The following NOP53 variants were observed in gnomAD, a reference collection of about 807,000 sequenced individuals.
NOP53 encodes the protein ribosome biogenesis protein NOP53.
Under a neutral mutation model 61.0 loss-of-function variants are expected in NOP53, and 40 were observed. That is an observed-to-expected ratio of 0.66 (90% confidence interval 0.51 to 0.85). The LOEUF (loss-of-function observed/expected upper bound fraction) is 0.85, where lower values mean the gene tolerates loss of function less well. NOP53 is among the 40% of genes least tolerant of loss of function. The pLI is 0.00. For synonymous variants in NOP53, 308 were observed against 289.5 expected (o/e 1.06, Z -0.65); for missense variants, 689 against 652.9 (o/e 1.06, Z -0.60).
chr19:47,755,950 G>A (rs1568601037), intron 10 of NOP53, 128 bp downstream of exon 10: 1 of 696,246 alleles, frequency 1.4e-6, no homozygotes, highest in Non-Finnish European at 2.5e-6. Context: ...CCAATGCCCA[G>A]GGGCTGAGGG....
rs769508522 is a variant in NOP53 at position 47,750,255 on chromosome 19, G to C, written c.367G>C (p.Glu123Gln). ...ACCCCTTCGGGTTGACCTCATCCTC[G>C]AGAACACATCCAAAGTCCCTGCCCC... ...KKPLRVDLILENTSKVPAPKD... is the reference protein window; with the variant it reads ...KKPLRVDLILQNTSKVPAPKD... Residue 123 changes from glutamate to glutamine, a missense_variant, in exon 3 of 13, where the codon GAG becomes CAG. Physicochemically the swap from Glu to Gln is conservative, Grantham distance 29 (BLOSUM62 2). Coordinates refer to ENST00000246802, the MANE Select transcript of NOP53 (RefSeq NM_015710.5). 1.4e-5 allele frequency: 22 copies of C among 1,609,304 alleles called. No individual in the cohort carries two copies. In the South Asian group the frequency reaches 2.4e-4, roughly 18 times the overall value.
intron 1 of NOP53, chr19:47,746,757 C>A: frequency 4.4e-6 from 2 of 457,698 alleles, no homozygotes; most frequent in South Asian, 5.3e-5. Context: ...CCCGCCTGGG[C>A]CTCCCAAAGT....
chr19:47,745,849 T>A, intron 1 of NOP53, 66 bp downstream of exon 1: 2 of 393,554 alleles, frequency 5.1e-6, no homozygotes, highest in Non-Finnish European at 6.5e-6. Flanking sequence ...CCAGGCGTGC[T>A]TGCGTGGACT....
rs1967199120 is a variant in NOP53 at position 47,756,460 on chromosome 19, C to T, written c.1297-68C>T. On this transcript the variant is annotated intron_variant, in intron 10 of 12. Coordinates refer to ENST00000246802, the MANE Select transcript of NOP53 (RefSeq NM_015710.5). Reference sequence around the variant, plus strand: ...GCATGGGGCTGAGCCCTGCCAGGACCCCGAGGAGAGGTCCAGGCCCTTGGG... The same window carrying T: ...GCATGGGGCTGAGCCCTGCCAGGACTCCGAGGAGAGGTCCAGGCCCTTGGG... 6.8e-6 allele frequency: 9 copies of T among 1,327,568 alleles called. No individual in the cohort carries two copies. The East Asian group carries it at 2.1e-4, about 31-fold the overall frequency. 82.2% of individuals were successfully genotyped at this position (1,327,568 alleles called of 1,614,324 possible).
chr19:47,754,843 G>T lies in NOP53; in HGVS notation c.1005G>T (p.Glu335Asp). 6.5e-7 allele frequency: 1 copy of T among 1,541,904 alleles called. No individual in the cohort carries two copies. Residue 335 changes from glutamate (E) to aspartate (D), a missense_variant, in exon 8 of 13, where the codon GAG (glutamate) becomes GAT (aspartate). Physicochemically the swap from Glu to Asp is conservative, Grantham distance 45 (BLOSUM62 2). Coordinates refer to ENST00000246802, the MANE Select transcript of NOP53 (RefSeq NM_015710.5). The surrounding 1 kb of genome is among the most constrained non-coding windows in gnomAD (Gnocchi z 4.2). The part of the protein sequence containing the change: ...CPTPARLATT[E>D]KKTEQQRRRE... ...CGCCCGCCCGCCTGGCCACCACAGAGAAGAAGACGGAGCAGCAGCGGCGGC... is the reference window on the plus strand; with the variant it reads ...CGCCCGCCCGCCTGGCCACCACAGATAAGAAGACGGAGCAGCAGCGGCGGC...
At chr19:47,752,944 GC>G (rs1656000245) in intron 6 of NOP53, 1 of 264,680 alleles carries the variant, frequency 3.8e-6, no homozygotes, top group South Asian at 7.1e-5. Context: ...CACTGCAAAG[GC>G]ACAGAGTTGA....
rs1373420530 is a variant in NOP53, at chr19:47,752,543, AGGCACCCGCCGTGGAGGT to A, written c.705_722del (p.Val238_Ala243del). 4.3e-6 allele frequency: 7 copies of A among 1,609,364 alleles called. No homozygotes were observed. Among genetic ancestry groups the A allele is most frequent in the Non-Finnish European group, 5.9e-6 (7 of 1,178,826 alleles). ...GCACGCCTGCACACCAAGCCGTCCC[AGGCACCCGCCGTGGAGGT>A]GGCGCCTGCCGGAGCTTCCTACAAT... On this transcript the variant is annotated inframe_deletion, in exon 6 of 13. Coordinates refer to ENST00000246802, the MANE Select transcript of NOP53 (RefSeq NM_015710.5).
chr19:47,749,036 C>G (rs1967095084), intron 2 of NOP53, among the ~76,000 whole-genome samples: 1 of 151,576 alleles, frequency 6.6e-6, no homozygotes, highest in Non-Finnish European at 1.5e-5. Flanking sequence ...TGGCGCATGC[C>G]TGTAATTCCA....
At chr19:47,747,134 A>G in intron 2 of NOP53, 103 bp downstream of exon 2, 6 of 904,044 alleles carry the variant, frequency 6.6e-6, no homozygotes, top group Non-Finnish European at 1.0e-5. Flanking sequence ...GAAGGCAAAT[A>G]TCTGCGGAAA....
chr19:47,751,348 C>G, intron 4 of NOP53, 172 bp from the exon 5 acceptor site: 1 of 644,884 alleles, frequency 1.6e-6, no homozygotes, highest in South Asian at 1.9e-5. Context: ...TTTCTGAACC[C>G]GTCCAGACAC....
rs776936802 is a variant in NOP53, at chr19:47,754,666, C to T, written c.870+35C>T. The stretch of plus-strand genomic sequence containing the variant: ...GCACCTGCCCACTCCCTCCCCTCCC[C>T]GGGCCTCCTACCCACCCCTGACACT... On this transcript the variant is annotated intron_variant, in intron 7 of 12. Transcript: ENST00000246802. This position sits in a 1 kb window ranked among gnomAD's most constrained non-coding sequence, Gnocchi z 4.2. 179 of 1,542,420 alleles carry T rather than the reference C, an allele frequency of 1.2e-4. No individual in the cohort carries two copies. The highest frequency in any genetic ancestry group is 2.4e-4 in the East Asian group (10 of 40,934).
In NOP53 at chr19:47,747,779, CTTTTTTTTTTTTT is replaced by C. The variant is rs750831883; in HGVS notation, c.289+761_289+773del. Among the ~76,000 whole-genome samples, 128 of 56,892 alleles carry C rather than the reference CTTTTTTTTTTTTT, an allele frequency of 2.2e-3. 1 individual carries two copies. Among genetic ancestry groups the C allele is most frequent in the African/African-American group, 9.4e-3 (119 of 12,622 alleles). The allele number at this position is 56,892 out of a possible 152,430, so 37.3% of individuals were successfully genotyped here. A position where few individuals can be genotyped will look rare whatever the true frequency, so the allele number is the denominator to read the frequency against. ...CTAATTTCTTTTCTTTTCTCTCTCT[CTTTTTTTTTTTTT>C]TTTTTTTTTTTTGAGATGGAGTTTC... On this transcript the variant is annotated intron_variant, in intron 2 of 12. Coordinates refer to ENST00000246802, the MANE Select transcript of NOP53 (RefSeq NM_015710.5).
intron 2 of NOP53, among the ~76,000 whole-genome samples, chr19:47,748,753 G>A: frequency 6.6e-6 from 1 of 152,136 alleles, no homozygotes. Flanking sequence ...AAACTAGCCG[G>A]ACGTCATGGT....
intron 10 of NOP53, chr19:47,756,234 C>T (rs1038967948): frequency 7.9e-5 from 43 of 541,528 alleles, no homozygotes; most frequent in East Asian, 1.2e-4. Context: ...TGCTCATGAG[C>T]GGACTGTGCC....
chr19:47,745,863 CGGGGG>C lies in NOP53; in HGVS notation c.224+81_224+85del, dbSNP rs1967056117. On this transcript the variant is annotated intron_variant, in intron 1 of 12. Transcript: ENST00000246802. Reference sequence around the variant, plus strand: ...GCCAGGCGTGCTTGCGTGGACTCGTCGGGGGTCGGGGGTCGGGGGTCGGGGGTTGG... The same window carrying C: ...GCCAGGCGTGCTTGCGTGGACTCGTCTCGGGGGTCGGGGGTCGGGGGTTGG... 3 of 84,712 alleles carry C rather than the reference CGGGGG, an allele frequency of 3.5e-5. No homozygotes were observed. The African/African-American group carries it at 1.3e-3, about 36-fold the overall frequency. The allele number at this position is 84,712 out of a possible 1,614,324, so 5.2% of individuals were successfully genotyped here.
chr19:47,750,193 G>C lies in NOP53; in HGVS notation c.305G>C (p.Arg102Thr). The change falls in exon 3 of 13, where the codon AGA (arginine) becomes ACA (threonine). Residue 102 changes from arginine to threonine, a missense_variant. Physicochemically the swap from Arg to Thr is moderately conservative, Grantham distance 71. Transcript: ENST00000246802. ...GSKEKGLTKK[R>T]TKVQKKSLLL... ...CCATTCTTAGGGCTGACAAAGAAGA[G>C]AACCAAAGTCCAGAAGAAGTCACTG... 6.2e-7 allele frequency: 1 copy of C among 1,610,486 alleles called. No homozygotes were observed. The highest frequency in any genetic ancestry group is 8.5e-7 in the Non-Finnish European group (1 of 1,176,800).
rs907085303 is a variant in NOP53 at position 47,754,205 on chromosome 19, A to T, written c.766-322A>T. The T allele has an allele frequency of 6.3e-5, 18 of 284,018 alleles. No homozygotes were observed. The highest frequency in any genetic ancestry group is 3.5e-4 in the African/African-American group (16 of 45,906). 17.6% of individuals were successfully genotyped at this position (284,018 alleles called of 1,614,324 possible). ...GGCAGGAGAATCGCTTGAACCCAGGAGGCGGGGGTTGTGGTGAGCTGAGAT... is the reference window on the plus strand; with the variant it reads ...GGCAGGAGAATCGCTTGAACCCAGGTGGCGGGGGTTGTGGTGAGCTGAGAT... On this transcript the variant is annotated intron_variant, in intron 6 of 12. Coordinates refer to ENST00000246802, the MANE Select transcript of NOP53 (RefSeq NM_015710.5). This position sits in a 1 kb window ranked among gnomAD's most constrained non-coding sequence, Gnocchi z 4.2.
chr19:47,750,102 T>G, intron 2 of NOP53, 76 bp from the exon 3 acceptor site: 11 of 874,992 alleles, frequency 1.3e-5, no homozygotes, highest in African/African-American at 1.7e-5. Flanking sequence ...ATGGCTCCCA[T>G]GGAGGTGAAT....
chr19:47,750,189 A>C lies in NOP53; in HGVS notation c.301A>C (p.Lys101Gln), dbSNP rs1292810354. 88 of 1,609,232 alleles carry C rather than the reference A, an allele frequency of 5.5e-5. No homozygotes were observed. The highest frequency in any genetic ancestry group is 7.0e-5 in the Non-Finnish European group (82 of 1,175,754). ...TTTCCCATTCTTAGGGCTGACAAAG[A>C]AGAGAACCAAAGTCCAGAAGAAGTC... is the stretch of plus-strand genomic sequence containing the variant. The part of the protein sequence containing the change: ...TGSKEKGLTK[K>Q]RTKVQKKSLL... The change falls in exon 3 of 13, where the codon AAG becomes CAG. Residue 101 changes from lysine to glutamine, a missense_variant. Transcript: ENST00000246802.
Sources: allele counts gnomAD v4.1 joint callset (sites outside exome capture counted in the v4.1 genomes callset), GRCh38; gene constraint gnomAD v4.1.1; non-coding constraint Gnocchi (gnomAD v3.1); transcripts MANE v1.5; gene names NCBI Gene and HGNC (gene_info 2026-07-23, HGNC 2026-07-21).